The following PHF20 variants were observed in gnomAD, a reference collection of about 807,000 sequenced individuals.
PHF20 encodes glioma-expressed antigen 2.
PHF20 carries 23 observed loss-of-function variants against 113.5 expected under a neutral mutation model. The observed-to-expected ratio is 0.20, with a 90% CI of 0.15 to 0.29. PHF20 has a LOEUF of 0.29. Among genes scored for constraint, PHF20 ranks in the 10% least tolerant of loss-of-function variants. The pLI is 1.00. For missense variants in PHF20, 943 were observed against 1,219.6 expected (o/e 0.77, Z 3.38); for synonymous variants, 434 against 457.3 (o/e 0.95, Z 0.65).
chr20:35,836,522 A>G (rs1163229734), intron 2 of PHF20, among the ~76,000 whole-genome samples: 1 of 152,246 alleles, frequency 6.6e-6, no homozygotes, highest in East Asian at 1.9e-4. Flanking sequence ...TCATGAAGCT[A>G]TCGGTTGATA....
chr20:35,843,380 A>G (rs2042565081), intron 3 of PHF20, among the ~76,000 whole-genome samples: 2 of 151,296 alleles, frequency 1.3e-5, no homozygotes, highest in South Asian at 4.2e-4. Flanking sequence ...TTAGCTGGAT[A>G]TAGTGGCGGG....
At chr20:35,930,307 C>T (rs1413643034) in intron 14 of PHF20, among the ~76,000 whole-genome samples, 2 of 152,188 alleles carry the variant, frequency 1.3e-5, no homozygotes, top group Non-Finnish European at 2.9e-5. Flanking sequence ...AGTTCCTACT[C>T]TTTCGGCTCT....
intron 9 of PHF20, among the ~76,000 whole-genome samples, chr20:35,887,383 T>G (rs2054753907): frequency 6.6e-6 from 1 of 152,174 alleles, no homozygotes; most frequent in Admixed American, 6.6e-5. Context: ...TGGCTCAGGC[T>G]GTATTCTCAT....
In PHF20 at chr20:35,858,346, A is replaced by G; in HGVS notation, c.385A>G (p.Lys129Glu). 6.3e-7 allele frequency: 1 copy of G among 1,598,238 alleles called. No homozygotes were observed. Among genetic ancestry groups the G allele is most frequent in the Non-Finnish European group, 8.6e-7 (1 of 1,167,794 alleles). Residue 129 changes from lysine to glutamate, a missense_variant, in exon 5 of 18, where the codon AAA (lysine) becomes GAA (glutamate). Physicochemically the swap from Lys to Glu is moderately conservative, Grantham distance 56. This residue lies in a region of PHF20 where 592 missense variants were observed against 787.2 expected (regional missense o/e 0.75). Coordinates refer to ENST00000374012, the MANE Select transcript of PHF20 (RefSeq NM_016436.5). ...KFYDGVVQTV[K>E]HIHVKAFSKD... ...TTATGATGGAGTAGTTCAGACTGTC[A>G]AACATATTCATGTCAAAGCTTTTTC...
intron 10 of PHF20, among the ~76,000 whole-genome samples, chr20:35,902,177 G>A (rs2055109926): frequency 6.6e-6 from 1 of 152,174 alleles, no homozygotes. Flanking sequence ...GTCATCTTGA[G>A]TCACTACAGT....
intron 2 of PHF20, among the ~76,000 whole-genome samples, chr20:35,829,243 T>C (rs898300847): frequency 2.0e-5 from 3 of 152,326 alleles, no homozygotes; most frequent in African/African-American, 4.8e-5. Flanking sequence ...AACATAAAAT[T>C]TAGTATTTTA....
chr20:35,920,742 A>G (rs2055495878), intron 13 of PHF20, among the ~76,000 whole-genome samples: 1 of 152,178 alleles, frequency 6.6e-6, no homozygotes, highest in African/African-American at 2.4e-5. Flanking sequence ...GCATGTACAT[A>G]CACACATACA....
chr20:35,900,311 A>G (rs1430812241), intron 10 of PHF20, among the ~76,000 whole-genome samples: 2 of 152,204 alleles, frequency 1.3e-5, no homozygotes, highest in East Asian at 1.9e-4. Context: ...TTTACTTGCT[A>G]TTGTAATATC....
chr20:35,807,427 A>T (rs918630447), intron 2 of PHF20, among the ~76,000 whole-genome samples: 1 of 145,012 alleles, frequency 6.9e-6, no homozygotes, highest in South Asian at 2.1e-4. Context: ...ATTTGGGCTC[A>T]CTGCAACCTC....
intron 9 of PHF20, among the ~76,000 whole-genome samples, chr20:35,891,238 G>A (rs1600887307): frequency 6.6e-6 from 1 of 152,004 alleles, no homozygotes; most frequent in Non-Finnish European, 1.5e-5. Flanking sequence ...TTAGCTGGGC[G>A]TGATGGCAGG....
At chr20:35,854,333 C>T (rs1380322265) in intron 4 of PHF20, among the ~76,000 whole-genome samples, 1 of 152,156 alleles carries the variant, frequency 6.6e-6, no homozygotes, top group East Asian at 1.9e-4. Context: ...ACAAAAACTC[C>T]TTGAGGGAGT....
chr20:35,862,329 C>T (rs2054232332), intron 5 of PHF20, among the ~76,000 whole-genome samples: 1 of 152,310 alleles, frequency 6.6e-6, no homozygotes, highest in Middle Eastern at 3.4e-3. Context: ...TGCTGGCAAA[C>T]TGAACCAGGC....
In PHF20 at chr20:35,858,353, T is replaced by C. The variant is rs371342493; in HGVS notation, c.392T>C (p.Ile131Thr). The change falls in exon 5 of 18, where the codon ATT (isoleucine) becomes ACT (threonine). Residue 131 changes from isoleucine (I) to threonine (T), a missense_variant. Around this residue, in one of 3 missense-constraint regions of PHF20, gnomAD observed 592 missense variants for 787.2 expected, o/e 0.75. Coordinates refer to ENST00000374012, the MANE Select transcript of PHF20 (RefSeq NM_016436.5). ...GGAGTAGTTCAGACTGTCAAACATA[T>C]TCATGTCAAAGCTTTTTCCAAAGAT... ...YDGVVQTVKH[I>T]HVKAFSKDQN... 1 of 1,596,398 alleles carries C rather than the reference T, an allele frequency of 6.3e-7. No homozygotes were observed. The highest frequency in any genetic ancestry group is 2.2e-5 in the East Asian group (1 of 44,606).
At chr20:35,885,467 CTTTTTTTTTTTT>C (rs577878410) in intron 9 of PHF20, among the ~76,000 whole-genome samples, 27 of 35,736 alleles carry the variant, frequency 7.6e-4, no homozygotes, top group East Asian at 4.5e-3. Context: ...GGGGAATAAG[CTTTTTTTTTTTT>C]TTTTTTTTTT....
At position 35,780,226 on chromosome 20, in the gene PHF20, T is replaced by C. The variant is rs1016984015; in HGVS notation, c.-33+8147T>C. ...GCCACCCTCACCCCAGATTTCTTTTTTTTTTTTTTTTTTTTTTGGGACGGA... is the reference window on the plus strand; with the variant it reads ...GCCACCCTCACCCCAGATTTCTTTTCTTTTTTTTTTTTTTTTTGGGACGGA... On this transcript the variant is annotated intron_variant, in intron 1 of 17. Coordinates refer to ENST00000374012, the MANE Select transcript of PHF20 (RefSeq NM_016436.5). Among the ~76,000 whole-genome samples the C allele has an allele frequency of 9.2e-4, 135 of 147,062 alleles. 1 individual carries two copies. The highest frequency in any genetic ancestry group is 2.7e-4 in the Admixed American group (4 of 14,846).
chr20:35,825,384 C>A (rs765369700), intron 2 of PHF20, among the ~76,000 whole-genome samples: 3 of 151,956 alleles, frequency 2.0e-5, no homozygotes, highest in Non-Finnish European at 4.4e-5. Context: ...ACAGGGAGGG[C>A]TTAGGTTTGA....
chr20:35,879,045 T>C (rs754670927), intron 9 of PHF20, among the ~76,000 whole-genome samples: 39 of 152,202 alleles, frequency 2.6e-4, no homozygotes, highest in Non-Finnish European at 1.5e-5. Flanking sequence ...CTAAGGAAGA[T>C]AACAGGCCAA....
intron 9 of PHF20, among the ~76,000 whole-genome samples, chr20:35,886,387 A>G (rs960721193): frequency 1.3e-5 from 2 of 151,966 alleles, no homozygotes; most frequent in African/African-American, 4.8e-5. Flanking sequence ...CACCCTCCCA[A>G]AGTGTTGGGA....
rs1400135809 is a variant in PHF20 at position 35,873,458 on chromosome 20, G to GT, written c.1282+1636dup. On this transcript the variant is annotated intron_variant, in intron 9 of 17. Transcript: ENST00000374012. The stretch of plus-strand genomic sequence containing the variant: ...GCTAACATTTGGCTGTGTTTTGTCT[G>GT]TTTTTTTGTTTTTTTTTTTTTTTTT... Among the ~76,000 whole-genome samples, 988 of 114,432 alleles carry GT rather than the reference G, an allele frequency of 8.6e-3. 20 individuals carry two copies. Among genetic ancestry groups the GT allele is most frequent in the Non-Finnish European group, 0.013 (741 of 55,156 alleles). The allele number at this position is 114,432 out of a possible 152,430, so 75.1% of individuals were successfully genotyped here. A position where few individuals can be genotyped will look rare whatever the true frequency, so the allele number is the denominator to read the frequency against.
Sources: gnomAD v4.1 joint callset for allele counts (sites outside exome capture counted in the v4.1 genomes callset) on GRCh38, gnomAD v4.1.1 for gene constraint, gnomAD v4.1.1 regional missense constraint, MANE v1.5 for transcripts, NCBI Gene and HGNC (gene_info 2026-07-23, HGNC 2026-07-21) for gene names.